Variants in INPP5A observed in about 807,000 individuals in gnomAD.
INPP5A encodes the protein inositol polyphosphate-5-phosphatase A.
Under a neutral mutation model 65.2 loss-of-function variants are expected in INPP5A, and 14 were observed. The ratio of observed to expected loss-of-function variants is 0.21; its 90% confidence interval spans 0.14 to 0.34. INPP5A has a LOEUF of 0.34. Among genes scored for constraint, INPP5A ranks in the 10% least tolerant of loss-of-function variants. The probability of loss-of-function intolerance (pLI) is 1.00; values close to 1 mark genes in which losing one functional copy is unlikely to be tolerated. For synonymous variants in INPP5A, 207 were observed against 208.3 expected, an observed-to-expected ratio of 0.99 and a Z score of 0.05; for missense variants, 431 against 545.6, an observed-to-expected ratio of 0.79 and a Z score of 2.09.
At chr10:132,768,891 G>A (rs1032076754) in intron 12 of INPP5A, among the ~76,000 whole-genome samples, 1 of 152,220 alleles carries the variant, frequency 6.6e-6, no homozygotes, top group South Asian at 2.1e-4. Context: ...CCTGGTTTTG[G>A]GCAGAGGTGA....
intron 1 of INPP5A, among the ~76,000 whole-genome samples, chr10:132,568,086 G>A (rs1286173183): frequency 1.3e-5 from 2 of 151,508 alleles, no homozygotes; most frequent in Admixed American, 6.6e-5. Flanking sequence ...AGCTACTCAG[G>A]AGGCTGAGGC....
chr10:132,680,171 G>A (rs1197647838), intron 4 of INPP5A, among the ~76,000 whole-genome samples: 1 of 152,112 alleles, frequency 6.6e-6, no homozygotes, highest in African/African-American at 2.4e-5. Flanking sequence ...AGGCAACCGT[G>A]GAATGGGAGA....
chr10:132,779,323 G>A (rs565421924), intron 13 of INPP5A, among the ~76,000 whole-genome samples: 5 of 152,382 alleles, frequency 3.3e-5, no homozygotes, highest in South Asian at 2.1e-4. Context: ...TGCTGAGAGC[G>A]GGTCAGGCAT....
At chr10:132,597,121 ATGTGCACG>A (rs1232188889) in intron 1 of INPP5A, among the ~76,000 whole-genome samples, 1 of 138,560 alleles carries the variant, frequency 7.2e-6, no homozygotes, top group Non-Finnish European at 1.6e-5. Flanking sequence ...GTGCATGGGT[ATGTGCACG>A]TGTGCATGTG....
intron 1 of INPP5A, among the ~76,000 whole-genome samples, chr10:132,602,045 GC>G (rs2071782825): frequency 6.6e-6 from 1 of 152,200 alleles, no homozygotes; most frequent in South Asian, 2.1e-4. Flanking sequence ...AATTGAATCT[GC>G]AGGTTTCTTT....
At chr10:132,669,627 C>T (rs779454588) in intron 4 of INPP5A, among the ~76,000 whole-genome samples, 1 of 152,204 alleles carries the variant, frequency 6.6e-6, no homozygotes, top group Non-Finnish European at 1.5e-5. Context: ...AGACACCATT[C>T]ATGTGTCCTT....
In INPP5A at chr10:132,559,957, G is replaced by A. The variant is rs183744925; in HGVS notation, c.75+21786G>A. 4.0e-3 allele frequency among the ~76,000 whole-genome samples: 617 copies of A among 152,352 alleles called. 1 individual carries two copies. The highest frequency in any genetic ancestry group is 6.4e-3 in the Non-Finnish European group (438 of 68,038). On this transcript the variant is annotated intron_variant, in intron 1 of 15. Transcript: ENST00000368594. ...ACCTGTGTCTCCAGCTCTCTCGGGT[G>A]TAGACCTGCTTGTGGGGTTGCTGTG... is the stretch of plus-strand genomic sequence containing the variant.
intron 8 of INPP5A, among the ~76,000 whole-genome samples, chr10:132,711,603 C>T (rs1205355297): frequency 1.3e-5 from 2 of 152,178 alleles, no homozygotes; most frequent in African/African-American, 4.8e-5. Flanking sequence ...GTGCAGAATG[C>T]GGAGTTACAC....
intron 8 of INPP5A, among the ~76,000 whole-genome samples, chr10:132,714,988 T>G (rs1471899073): frequency 6.6e-6 from 1 of 152,162 alleles, no homozygotes; most frequent in Non-Finnish European, 1.5e-5. Flanking sequence ...TGTGCTGGGC[T>G]GGGGTCCTGG....
chr10:132,572,238 T>TG (rs1002189459), intron 1 of INPP5A, among the ~76,000 whole-genome samples: 2 of 151,160 alleles, frequency 1.3e-5, no homozygotes, highest in Admixed American at 6.6e-5. Flanking sequence ...CTGTGGCCCA[T>TG]GGGGGGGCCT....
rs1245820229 is a variant in INPP5A, at chr10:132,771,855, CA to C, written c.978-5815del. ...GGGCACTCAGCACTGACACGGAGGC[CA>C]CAGCAGCCACCCCGCGAAGAGTGGG... On this transcript the variant is annotated intron_variant, in intron 12 of 15. Transcript: ENST00000368594. Among the ~76,000 whole-genome samples, 41 of 114,896 alleles carry C rather than the reference CA, an allele frequency of 3.6e-4. 3 individuals are homozygous for C. Among genetic ancestry groups the C allele is most frequent in the African/African-American group, 1.1e-3 (32 of 28,066 alleles). The allele number at this position is 114,896 out of a possible 152,430, so 75.4% of individuals were successfully genotyped here.
intron 4 of INPP5A, among the ~76,000 whole-genome samples, chr10:132,681,105 C>T (rs2073037805): frequency 6.6e-6 from 1 of 152,250 alleles, no homozygotes; most frequent in Admixed American, 6.5e-5. Context: ...CGTGTGAAGC[C>T]AGCTGGGCTC....
chr10:132,594,699 C>T (rs1312182527), intron 1 of INPP5A, among the ~76,000 whole-genome samples: 1 of 151,806 alleles, frequency 6.6e-6, no homozygotes, highest in Non-Finnish European at 1.5e-5. Flanking sequence ...TGTGCCTGCA[C>T]GTGTGTGGCA....
intron 4 of INPP5A, among the ~76,000 whole-genome samples, chr10:132,660,933 C>T (rs371934888): frequency 1.3e-5 from 2 of 152,118 alleles, no homozygotes; most frequent in African/African-American, 4.8e-5. Flanking sequence ...TTCCTTTAAG[C>T]CTAAAACTAG....
intron 9 of INPP5A, among the ~76,000 whole-genome samples, chr10:132,746,193 G>T (rs564341913): frequency 9.2e-5 from 14 of 152,354 alleles, no homozygotes; most frequent in African/African-American, 3.1e-4. Flanking sequence ...CTGGCTGTGC[G>T]TGCGGTGCCT....
intron 3 of INPP5A, among the ~76,000 whole-genome samples, chr10:132,649,873 C>T (rs1434944872): frequency 3.3e-5 from 5 of 152,132 alleles, no homozygotes; most frequent in East Asian, 1.9e-4. Context: ...GTAGGATGAA[C>T]GGTCGGGGAC....
chr10:132,728,378 G>A (rs191904675), intron 9 of INPP5A, among the ~76,000 whole-genome samples: 75 of 152,326 alleles, frequency 4.9e-4, no homozygotes, highest in African/African-American at 1.5e-3. Flanking sequence ...GTGAGGGCTC[G>A]AGGGCAGGGG....
chr10:132,737,070 C>A (rs1057283560), intron 9 of INPP5A, among the ~76,000 whole-genome samples: 10 of 152,264 alleles, frequency 6.6e-5, no homozygotes, highest in African/African-American at 2.4e-4. Context: ...TATGGGCAGG[C>A]CTGAGCTCCT....
chr10:132,733,098 T>C (rs1335977409), intron 9 of INPP5A, among the ~76,000 whole-genome samples: 1 of 152,228 alleles, frequency 6.6e-6, no homozygotes, highest in Non-Finnish European at 1.5e-5. Flanking sequence ...CCCTGGCTCA[T>C]GGCCGCATCA....
Sources: gnomAD v4.1 joint callset for allele counts (sites outside exome capture counted in the v4.1 genomes callset) on GRCh38, gnomAD v4.1.1 for gene constraint, MANE v1.5 for transcripts, NCBI Gene and HGNC (gene_info 2026-07-23, HGNC 2026-07-21) for gene names.